The following KHDRBS2 variants were observed in gnomAD, a reference collection of about 807,000 sequenced individuals.
KHDRBS2 encodes the protein KH RNA binding domain containing, signal transduction associated 2, also known as KH domain-containing, RNA-binding, signal transduction-associated protein 2.
KHDRBS2 carries 26 observed loss-of-function variants against 44.3 expected under a neutral mutation model. The observed-to-expected ratio is 0.59, with a 90% CI of 0.43 to 0.81. The LOEUF is 0.81. KHDRBS2 is among the 40% of genes least tolerant of loss of function. KHDRBS2 has a pLI of 0.00. For synonymous variants in KHDRBS2, 194 were observed against 151.1 expected (o/e 1.28, Z -2.08); for missense variants, 476 against 433.1 (o/e 1.10, Z -0.88).
At chr6:61,998,871 A>C (rs1422983263) in intron 3 of KHDRBS2, among the ~76,000 whole-genome samples, 2 of 152,118 alleles carry the variant, frequency 1.3e-5, no homozygotes, top group Non-Finnish European at 2.9e-5. Context: ...TGTTCATCTA[A>C]GTATAACTTT....
chr6:61,573,760 G>A, the KHDRBS2 span, among the ~76,000 whole-genome samples: 1 of 150,602 alleles, frequency 6.6e-6, no homozygotes, highest in East Asian at 2.0e-4. Flanking sequence ...CTGCACTCCA[G>A]CCTGGGCAAC....
At chr6:62,106,424 G>C (rs529318905) in intron 2 of KHDRBS2, among the ~76,000 whole-genome samples, 3 of 152,204 alleles carry the variant, frequency 2.0e-5, no homozygotes, top group African/African-American at 7.2e-5. Flanking sequence ...AAGTCTCTTT[G>C]TAGGTCACTC....
intron 3 of KHDRBS2, among the ~76,000 whole-genome samples, chr6:62,030,530 T>C (rs1442103723): frequency 6.6e-6 from 1 of 151,986 alleles, no homozygotes; most frequent in African/African-American, 2.4e-5. Flanking sequence ...AGGGTACTCC[T>C]GAAAAAAAAT....
the KHDRBS2 span, among the ~76,000 whole-genome samples, chr6:61,674,260 A>G: frequency 3.3e-5 from 5 of 151,916 alleles, no homozygotes; most frequent in Middle Eastern, 3.4e-3. Context: ...GTTTTGTCAT[A>G]TCATTTTTTA....
At chr6:62,102,221 T>C (rs1185519155) in intron 2 of KHDRBS2, among the ~76,000 whole-genome samples, 1 of 152,236 alleles carries the variant, frequency 6.6e-6, no homozygotes, top group Non-Finnish European at 1.5e-5. Context: ...GAGGGTTTCA[T>C]ATGATAGTTG....
intron 1 of KHDRBS2, among the ~76,000 whole-genome samples, chr6:62,210,827 CAG>C (rs1249230915): frequency 2.6e-5 from 4 of 152,040 alleles, no homozygotes; most frequent in South Asian, 4.1e-4. Context: ...AGGCAATTCT[CAG>C]AGAGTTACCC....
chr6:61,601,604 T>G, the KHDRBS2 span, among the ~76,000 whole-genome samples: 1 of 152,058 alleles, frequency 6.6e-6, no homozygotes, highest in Admixed American at 6.6e-5. Context: ...CTCCCTAGTC[T>G]CTGTTCCCAA....
chr6:61,848,276 T>C (rs1184118927), intron 6 of KHDRBS2, among the ~76,000 whole-genome samples: 1 of 150,668 alleles, frequency 6.6e-6, no homozygotes, highest in Non-Finnish European at 1.5e-5. Context: ...ATTTATGAAA[T>C]TGACTACCTT....
chr6:61,842,524 A>G (rs1793738650), intron 6 of KHDRBS2, among the ~76,000 whole-genome samples: 1 of 152,240 alleles, frequency 6.6e-6, no homozygotes, highest in African/African-American at 2.4e-5. Flanking sequence ...AAAAGGCCAC[A>G]GTGTGAAATA....
the KHDRBS2 span, among the ~76,000 whole-genome samples, chr6:61,612,437 C>A: frequency 1.3e-5 from 2 of 152,124 alleles, no homozygotes; most frequent in Admixed American, 1.3e-4. Context: ...CTCAATATTG[C>A]TATCTATGTG....
chr6:62,225,000 T>C (rs1831519643), intron 1 of KHDRBS2, among the ~76,000 whole-genome samples: 1 of 152,206 alleles, frequency 6.6e-6, no homozygotes, highest in Admixed American at 6.5e-5. Context: ...CCAGTGACTC[T>C]TGATTGAAGG....
At chr6:61,783,846 G>C (rs1358424387) in intron 6 of KHDRBS2, among the ~76,000 whole-genome samples, 1 of 152,044 alleles carries the variant, frequency 6.6e-6, no homozygotes, top group East Asian at 1.9e-4. Context: ...ACTACTGACT[G>C]TTGTATTAGG....
chr6:61,751,278 G>A (rs533226798), intron 6 of KHDRBS2, among the ~76,000 whole-genome samples: 2 of 152,200 alleles, frequency 1.3e-5, no homozygotes, highest in African/African-American at 2.4e-5. Flanking sequence ...GCTTCTAAAT[G>A]TTGATTCCTA....
intron 1 of KHDRBS2, among the ~76,000 whole-genome samples, chr6:62,251,919 C>A (rs550589002): frequency 6.6e-6 from 1 of 151,628 alleles, no homozygotes; most frequent in Non-Finnish European, 1.5e-5. Context: ...TAATAAAAAT[C>A]CTACTAAATG....
rs546462688 is a variant in KHDRBS2, at chr6:61,737,429, A to G, written c.811-4665T>C. Among the ~76,000 whole-genome samples the G allele has an allele frequency of 1.3e-4, 20 of 152,272 alleles. No homozygotes were observed. The South Asian group carries it at 4.1e-3, about 32-fold the overall frequency. ...TATACACATAAATATTTGTAAATATATATGTATGTATGTAAACGTATAGTA... is the reference window on the plus strand; with the variant it reads ...TATACACATAAATATTTGTAAATATGTATGTATGTATGTAAACGTATAGTA... On this transcript the variant is annotated intron_variant, in intron 6 of 8. Coordinates refer to ENST00000281156, the MANE Select transcript of KHDRBS2 (RefSeq NM_152688.4).
chr6:62,142,991 T>C (rs980036152), intron 2 of KHDRBS2, among the ~76,000 whole-genome samples: 3 of 151,742 alleles, frequency 2.0e-5, no homozygotes, highest in Non-Finnish European at 4.4e-5. Flanking sequence ...CTGGAAAACA[T>C]AGGTTTTAAG....
At chr6:62,198,085 G>A (rs974542059) in intron 1 of KHDRBS2, among the ~76,000 whole-genome samples, 18 of 152,110 alleles carry the variant, frequency 1.2e-4, no homozygotes, top group Non-Finnish European at 2.4e-4. Context: ...CACATTTAAA[G>A]CAGTGTGCAG....
At chr6:61,553,845 G>A in the KHDRBS2 span, among the ~76,000 whole-genome samples, 5 of 152,054 alleles carry the variant, frequency 3.3e-5, no homozygotes, top group Non-Finnish European at 7.4e-5. Context: ...TATTTTTATT[G>A]CACTGTGATC....
intron 3 of KHDRBS2, among the ~76,000 whole-genome samples, chr6:61,996,976 T>A (rs1433167268): frequency 6.6e-6 from 1 of 152,058 alleles, no homozygotes; most frequent in African/African-American, 2.4e-5. Flanking sequence ...AGAGACGGGG[T>A]TTCACCATGT....
Sources: allele counts gnomAD v4.1 joint callset (sites outside exome capture counted in the v4.1 genomes callset), GRCh38; gene constraint gnomAD v4.1.1; transcripts MANE v1.5; gene names NCBI Gene and HGNC (gene_info 2026-07-23, HGNC 2026-07-21).